RBFOX1: variants seen among roughly 807,000 people sequenced by gnomAD.
The protein encoded by RBFOX1 is RNA binding protein fox-1 homolog 1.
A neutral mutation model predicts 57.7 loss-of-function variants in RBFOX1; 8 were observed. That is an observed-to-expected ratio of 0.14 (90% CI 0.08 to 0.25). The LOEUF is 0.25. RBFOX1 is among the 10% of genes least tolerant of loss of function. The pLI is 1.00. For missense variants in RBFOX1, 611 were observed against 548.5 expected, an observed-to-expected ratio of 1.11 and a Z score of -1.14; for synonymous variants, 326 against 222.4, an observed-to-expected ratio of 1.47 and a Z score of -4.15.
rs540014459 is a variant in RBFOX1, at chr16:7,380,827, A to AG, written c.28-137319dup. Among the ~76,000 whole-genome samples, 8 of 152,372 alleles carry AG rather than the reference A, an allele frequency of 5.3e-5. No individual in the cohort carries two copies. The East Asian group carries it at 1.5e-3, about 29-fold the overall frequency. Reference sequence around the variant, plus strand: ...TAATGAGAAATTCAGATTTCATAGAAGCAGGGGTCTTCTCCCTCTTGCTAA... The same window carrying AG: ...TAATGAGAAATTCAGATTTCATAGAAGGCAGGGGTCTTCTCCCTCTTGCTAA... On this transcript the variant is annotated intron_variant, in intron 4 of 15. Transcript: ENST00000550418.
chr16:5,712,268 A>T (rs1243392985), intron 3 of RBFOX1, among the ~76,000 whole-genome samples: 1 of 152,210 alleles, frequency 6.6e-6, no homozygotes, highest in Non-Finnish European at 1.5e-5. Flanking sequence ...ACGAAGCCAA[A>T]CCATATAATG....
chr16:7,638,053 T>C (rs2062061944), intron 11 of RBFOX1, among the ~76,000 whole-genome samples: 1 of 152,194 alleles, frequency 6.6e-6, no homozygotes, highest in African/African-American at 2.4e-5. Flanking sequence ...TGTTAAAAGA[T>C]TGCATTAAAA....
At chr16:6,821,404 C>T (rs1240838043) in intron 3 of RBFOX1, among the ~76,000 whole-genome samples, 1 of 152,180 alleles carries the variant, frequency 6.6e-6, no homozygotes, top group Non-Finnish European at 1.5e-5. Context: ...GAGGTGTATT[C>T]CACATAACTG....
chr16:7,540,112 T>C (rs1471214698), intron 5 of RBFOX1, among the ~76,000 whole-genome samples: 1 of 152,224 alleles, frequency 6.6e-6, no homozygotes, highest in African/African-American at 2.4e-5. Flanking sequence ...TCATTGGTGG[T>C]GGGATTCTTC....
At position 5,944,223 on chromosome 16, in the gene RBFOX1, G is replaced by A. The variant is rs4786793; in HGVS notation, c.351+76888G>A. Among the ~76,000 whole-genome samples, 897 of 152,178 alleles carry A rather than the reference G, an allele frequency of 5.9e-3. 10 individuals carry two copies. The highest frequency in any genetic ancestry group is 0.021 in the African/African-American group (859 of 41,548). On this transcript the variant is annotated intron_variant, in intron 4 of 19. Coordinates refer to the RBFOX1 transcript ENST00000641259. The stretch of plus-strand genomic sequence containing the variant: ...AAGATTGAGTTCTGAAGGAAAGAAC[G>A]AGATACATGGGCTACACTCCTTGCA...
At chr16:7,409,113 C>T (rs144023705) in intron 4 of RBFOX1, among the ~76,000 whole-genome samples, 3 of 152,196 alleles carry the variant, frequency 2.0e-5, no homozygotes, top group African/African-American at 2.4e-5. Context: ...CGCTGTCGCT[C>T]TAAGCCAGAT....
At chr16:7,665,276 T>C (rs1307961616) in intron 13 of RBFOX1, among the ~76,000 whole-genome samples, 1 of 152,194 alleles carries the variant, frequency 6.6e-6, no homozygotes, top group Non-Finnish European at 1.5e-5. Context: ...AAATTGTCTC[T>C]CAAGTTCTCG....
intron 4 of RBFOX1, among the ~76,000 whole-genome samples, chr16:5,955,145 A>AAAAAAT (rs61416739): frequency 8.3e-6 from 1 of 120,814 alleles, no homozygotes; most frequent in Non-Finnish European, 1.7e-5. Context: ...AAAAAAAAAA[A>AAAAAAT]GCCAGGCGCA....
chr16:7,439,041 A>T (rs560754719), intron 4 of RBFOX1, among the ~76,000 whole-genome samples: 1 of 152,186 alleles, frequency 6.6e-6, no homozygotes, highest in Admixed American at 6.5e-5. Flanking sequence ...AAACCACCGC[A>T]CTTTGTTTTG....
intron 2 of RBFOX1, among the ~76,000 whole-genome samples, chr16:6,559,830 G>A (rs898815311): frequency 2.0e-5 from 3 of 152,114 alleles, no homozygotes; most frequent in African/African-American, 7.2e-5. Flanking sequence ...AACTGAAGTT[G>A]TTCCCTGAAG....
At chr16:7,094,094 C>A (rs538037967) in intron 4 of RBFOX1, among the ~76,000 whole-genome samples, 1 of 150,510 alleles carries the variant, frequency 6.6e-6, no homozygotes, top group Non-Finnish European at 1.5e-5. Context: ...TGAAATAGCC[C>A]TTCTCTTCTT....
chr16:7,662,099 C>A (rs780799916), intron 12 of RBFOX1, among the ~76,000 whole-genome samples: 4 of 152,188 alleles, frequency 2.6e-5, no homozygotes, highest in African/African-American at 4.8e-5. Flanking sequence ...TCTTGGCCCA[C>A]ACCCATGCCA....
intron 4 of RBFOX1, among the ~76,000 whole-genome samples, chr16:7,468,373 A>C (rs572431156): frequency 6.6e-6 from 1 of 151,952 alleles, no homozygotes; most frequent in Non-Finnish European, 1.5e-5. Flanking sequence ...TAGATTGTTG[A>C]CACTGTGTCA....
chr16:5,535,656 G>A (rs883075), intron 2 of RBFOX1, among the ~76,000 whole-genome samples: 58,689 of 151,892 alleles, frequency 0.39, 12,325 homozygotes, highest in East Asian at 0.85. Flanking sequence ...GATTTGTTTC[G>A]GTCTGTTTCT....
chr16:7,244,838 C>A (rs539310228), intron 4 of RBFOX1, among the ~76,000 whole-genome samples: 2 of 152,282 alleles, frequency 1.3e-5, no homozygotes, highest in East Asian at 1.9e-4. Context: ...GTTCCCACTT[C>A]TGCTCATGAT....
chr16:5,782,242 G>A (rs1004690093), intron 3 of RBFOX1, among the ~76,000 whole-genome samples: 1 of 152,186 alleles, frequency 6.6e-6, no homozygotes, highest in Non-Finnish European at 1.5e-5. Context: ...CTAGAGGCTG[G>A]GAAGTCCAAG....
At chr16:6,873,277 C>T (rs550246720) in intron 3 of RBFOX1, among the ~76,000 whole-genome samples, 1 of 152,016 alleles carries the variant, frequency 6.6e-6, no homozygotes, top group Non-Finnish European at 1.5e-5. Context: ...TTATCTTGGT[C>T]CCAAAGCATA....
chr16:5,553,630 A>T (rs1012109504), intron 2 of RBFOX1, among the ~76,000 whole-genome samples: 2 of 146,824 alleles, frequency 1.4e-5, no homozygotes, highest in African/African-American at 5.2e-5. Context: ...TGAATATTTT[A>T]AAACTGTGCA....
At chr16:7,295,531 T>C (rs2095871698) in intron 4 of RBFOX1, among the ~76,000 whole-genome samples, 1 of 152,192 alleles carries the variant, frequency 6.6e-6, no homozygotes, top group African/African-American at 2.4e-5. Flanking sequence ...AAAGTATCAT[T>C]ATTCTCCTTA....
Sources: gnomAD v4.1 joint callset for allele counts (sites outside exome capture counted in the v4.1 genomes callset) on GRCh38, gnomAD v4.1.1 for gene constraint, MANE v1.5 for transcripts, NCBI Gene and HGNC (gene_info 2026-07-23, HGNC 2026-07-21) for gene names.